Variants in CAMK1D observed in about 807,000 individuals in gnomAD.
The protein encoded by CAMK1D is calcium/calmodulin-dependent protein kinase type 1D.
Under a neutral mutation model 47.7 loss-of-function variants are expected in CAMK1D, and 9 were observed. The observed-to-expected ratio is 0.19, with a 90% CI of 0.11 to 0.33. The LOEUF is 0.33. Among genes scored for constraint, CAMK1D ranks in the 10% least tolerant of loss-of-function variants. CAMK1D has a pLI of 1.00. For missense variants in CAMK1D, 291 were observed against 488.7 expected (o/e 0.60, Z 3.81); for synonymous variants, 184 against 184.9 (o/e 0.99, Z 0.04).
intron 1 of CAMK1D, among the ~76,000 whole-genome samples, chr10:12,479,945 C>A (rs374082604): frequency 3.9e-5 from 6 of 152,164 alleles, no homozygotes; most frequent in Admixed American, 2.0e-4. Flanking sequence ...TTTCTGCCCC[C>A]CCAAATGCCA....
At chr10:12,499,014 A>G (rs1834622436) in intron 1 of CAMK1D, among the ~76,000 whole-genome samples, 1 of 151,992 alleles carries the variant, frequency 6.6e-6, no homozygotes, top group Non-Finnish European at 1.5e-5. Flanking sequence ...GTAGATTGCA[A>G]ATGCCTTCCC....
At chr10:12,547,266 A>G (rs957470698) in intron 1 of CAMK1D, among the ~76,000 whole-genome samples, 45 of 152,352 alleles carry the variant, frequency 3.0e-4, no homozygotes, top group African/African-American at 1.0e-3. Context: ...GGGTTTAGCA[A>G]CTAGGGGACC....
chr10:12,465,299 C>A (rs1262709139), intron 1 of CAMK1D, among the ~76,000 whole-genome samples: 1 of 152,152 alleles, frequency 6.6e-6, no homozygotes, highest in African/African-American at 2.4e-5. Flanking sequence ...TCTGATAATT[C>A]AAAAATTCTA....
chr10:12,807,313 G>A (rs887494670), intron 6 of CAMK1D, among the ~76,000 whole-genome samples: 2 of 152,226 alleles, frequency 1.3e-5, no homozygotes, highest in African/African-American at 4.8e-5. Flanking sequence ...GCTTCGTGTG[G>A]AATGAACTGG....
At chr10:12,562,324 C>T (rs1836970148) in intron 2 of CAMK1D, among the ~76,000 whole-genome samples, 1 of 152,166 alleles carries the variant, frequency 6.6e-6, no homozygotes, top group African/African-American at 2.4e-5. Flanking sequence ...TGGCAGATCC[C>T]TCATGACTGA....
At chr10:12,639,635 G>A (rs1023434085) in intron 2 of CAMK1D, among the ~76,000 whole-genome samples, 4 of 151,898 alleles carry the variant, frequency 2.6e-5, no homozygotes, top group Admixed American at 1.3e-4. Context: ...ACACAATCAC[G>A]TGTAACCTTG....
At chr10:12,444,009 A>G (rs960366091) in intron 1 of CAMK1D, among the ~76,000 whole-genome samples, 1 of 152,142 alleles carries the variant, frequency 6.6e-6, no homozygotes, top group Admixed American at 6.5e-5. Flanking sequence ...TTTTTAGACC[A>G]TATAGGGTAA....
At chr10:12,427,700 G>GTTTTTTTTTTTTTGTT (rs1840286688) in intron 1 of CAMK1D, among the ~76,000 whole-genome samples, 1 of 31,032 alleles carries the variant, frequency 3.2e-5, no homozygotes, top group Non-Finnish European at 6.2e-5. Flanking sequence ...TGAACTTACT[G>GTTTTTTTTTTTTTGTT]TTTTTTTTTT....
chr10:12,779,779 G>A (rs1337911179), intron 5 of CAMK1D, among the ~76,000 whole-genome samples: 26 of 148,220 alleles, frequency 1.8e-4, no homozygotes, highest in Non-Finnish European at 3.0e-5. Context: ...TCACCTAGCA[G>A]TATTTTATGT....
intron 2 of CAMK1D, among the ~76,000 whole-genome samples, chr10:12,610,819 C>T (rs537228687): frequency 1.3e-5 from 2 of 152,324 alleles, no homozygotes; most frequent in East Asian, 3.9e-4. Flanking sequence ...CTGACTTTCC[C>T]TGTCTTATTG....
chr10:12,807,641 A>T (rs929173621), intron 6 of CAMK1D, among the ~76,000 whole-genome samples: 1 of 152,160 alleles, frequency 6.6e-6, no homozygotes, highest in Non-Finnish European at 1.5e-5. Flanking sequence ...CAGCCAGGCC[A>T]CCCCGGCTAC....
At chr10:12,425,480 C>A (rs558536398) in intron 1 of CAMK1D, among the ~76,000 whole-genome samples, 14 of 152,230 alleles carry the variant, frequency 9.2e-5, no homozygotes, top group South Asian at 8.3e-4. Flanking sequence ...CGGGGTTTCA[C>A]CACGTTGGCC....
chr10:12,778,855 A>G (rs754223786), intron 5 of CAMK1D, among the ~76,000 whole-genome samples: 4 of 151,966 alleles, frequency 2.6e-5, no homozygotes, highest in Non-Finnish European at 5.9e-5. Context: ...CCTGGGCAAC[A>G]GAGTGAGACC....
intron 2 of CAMK1D, among the ~76,000 whole-genome samples, chr10:12,562,274 C>T (rs577379448): frequency 6.6e-6 from 1 of 152,240 alleles, no homozygotes; most frequent in Admixed American, 6.5e-5. Flanking sequence ...CTTGTTAGAG[C>T]TAACCTAGTC....
intron 2 of CAMK1D, among the ~76,000 whole-genome samples, chr10:12,560,554 G>GAAA (rs1564412321): frequency 7.9e-5 from 7 of 88,982 alleles, no homozygotes; most frequent in Admixed American, 2.4e-4. Flanking sequence ...ACTCTATCTC[G>GAAA]GAAAAAAAAA....
intron 2 of CAMK1D, among the ~76,000 whole-genome samples, chr10:12,562,289 G>A (rs145203614): frequency 2.9e-4 from 44 of 152,270 alleles, no homozygotes; most frequent in African/African-American, 9.6e-4. Context: ...CTAGTCCCAT[G>A]AGAACTGCAT....
intron 1 of CAMK1D, among the ~76,000 whole-genome samples, chr10:12,361,545 C>CTTTTT (rs36015215): frequency 1.6e-5 from 1 of 63,080 alleles, no homozygotes; most frequent in Non-Finnish European, 2.8e-5. Context: ...GTGCCTGGCC[C>CTTTTT]TTTTTTTTTT....
intron 1 of CAMK1D, among the ~76,000 whole-genome samples, chr10:12,395,247 T>C (rs945295980): frequency 6.6e-6 from 1 of 151,666 alleles, no homozygotes; most frequent in Non-Finnish European, 1.5e-5. Context: ...TTAATTAATT[T>C]TTTTTTGTAG....
chr10:12,677,751 G>C (rs1457028530), intron 3 of CAMK1D, among the ~76,000 whole-genome samples: 2 of 152,140 alleles, frequency 1.3e-5, no homozygotes, highest in Admixed American at 6.5e-5. Context: ...GAGGGACTTT[G>C]TAAGGAGAGC....
Sources: allele counts gnomAD v4.1 joint callset (sites outside exome capture counted in the v4.1 genomes callset), GRCh38; gene constraint gnomAD v4.1.1; transcripts MANE v1.5; gene names NCBI Gene and HGNC (gene_info 2026-07-23, HGNC 2026-07-21).